The following ACYP2 variants were observed in gnomAD, a reference collection of about 807,000 sequenced individuals.
The protein encoded by ACYP2 is acylphosphatase-2.
Under a neutral mutation model 11.2 loss-of-function variants are expected in ACYP2, and 12 were observed. The observed-to-expected ratio is 1.08, with a 90% confidence interval of 0.69 to 1.74. ACYP2 has a LOEUF of 1.74. Among genes scored for constraint, ACYP2 ranks in the 40% most tolerant of loss-of-function variants. The pLI is 0.00. For missense variants in ACYP2, 134 were observed against 101.9 expected, an observed-to-expected ratio of 1.31 and a Z score of -1.35; for synonymous variants, 43 against 32.2, an observed-to-expected ratio of 1.33 and a Z score of -1.13.
intron 6 of ACYP2, chr2:54,255,188 C>G: frequency 6.2e-7 from 1 of 1,614,182 alleles, no homozygotes; most frequent in South Asian, 1.1e-5. Context: ...GAAAAAGACA[C>G]CACTTGGCCG....
chr2:54,066,705 A>G (rs914583550), intron 4 of ACYP2, among the ~76,000 whole-genome samples: 1 of 152,244 alleles, frequency 6.6e-6, no homozygotes, highest in African/African-American at 2.4e-5. Flanking sequence ...GGACAAAAGC[A>G]TAGGCAAATA....
At chr2:54,222,149 G>T (rs1685824557) in intron 6 of ACYP2, among the ~76,000 whole-genome samples, 1 of 152,178 alleles carries the variant, frequency 6.6e-6, no homozygotes, top group African/African-American at 2.4e-5. Context: ...AAGCCTCACA[G>T]CTAGGAAAGG....
chr2:54,231,503 G>C (rs974563853), intron 6 of ACYP2, among the ~76,000 whole-genome samples: 8 of 152,146 alleles, frequency 5.3e-5, no homozygotes, highest in South Asian at 2.1e-4. Context: ...GAATGAGCAC[G>C]GGCTCAGGTT....
At chr2:54,056,671 A>T (rs753302132) in intron 3 of ACYP2, among the ~76,000 whole-genome samples, 1 of 152,164 alleles carries the variant, frequency 6.6e-6, no homozygotes, top group Non-Finnish European at 1.5e-5. Context: ...TATTTTTCCC[A>T]TGGAAGGGCT....
chr2:54,191,849 C>T (rs552559080), intron 6 of ACYP2, among the ~76,000 whole-genome samples: 8 of 152,020 alleles, frequency 5.3e-5, no homozygotes, highest in African/African-American at 9.7e-5. Context: ...TGTAAGCATA[C>T]GCTTGTTATT....
At chr2:54,256,306 T>C (rs843703) in intron 6 of ACYP2, 323,562 of 737,506 alleles carry the variant, frequency 0.44, 74,568 homozygotes, top group African/African-American at 0.66. Flanking sequence ...CGACACTCAC[T>C]CCTCAGTCTC....
chr2:54,156,264 A>G (rs1254046128), intron 6 of ACYP2, among the ~76,000 whole-genome samples: 1 of 152,144 alleles, frequency 6.6e-6, no homozygotes, highest in Non-Finnish European at 1.5e-5. Flanking sequence ...TGAAATATAT[A>G]TATATTTTAT....
intron 6 of ACYP2, among the ~76,000 whole-genome samples, chr2:54,269,107 G>A (rs55635437): frequency 0.15 from 22,618 of 152,048 alleles, 1,662 homozygotes; most frequent in African/African-American, 0.17. Flanking sequence ...ATTATTAACT[G>A]TTTTGATTTT....
intron 4 of ACYP2, among the ~76,000 whole-genome samples, chr2:54,109,607 A>G (rs1374626916): frequency 6.6e-6 from 1 of 152,222 alleles, no homozygotes; most frequent in Non-Finnish European, 1.5e-5. Flanking sequence ...CTGTATACTG[A>G]AATGGTGAAT....
chr2:54,188,272 A>G (rs1254714497), intron 6 of ACYP2, among the ~76,000 whole-genome samples: 2 of 152,196 alleles, frequency 1.3e-5, no homozygotes, highest in Non-Finnish European at 2.9e-5. Flanking sequence ...CACACTCTTT[A>G]AAACCTTTAA....
At chr2:53,986,629 CTT>C (rs778989738) in intron 2 of ACYP2, among the ~76,000 whole-genome samples, 24 of 136,310 alleles carry the variant, frequency 1.8e-4, no homozygotes, top group South Asian at 2.4e-4. Context: ...CAAACCCGGC[CTT>C]TTTTTTTTTT....
intron 6 of ACYP2, among the ~76,000 whole-genome samples, chr2:54,226,276 T>G (rs1481546399): frequency 6.6e-6 from 1 of 152,136 alleles, no homozygotes; most frequent in Non-Finnish European, 1.5e-5. Context: ...AAAAATGGAC[T>G]CTCCTGGATA....
chr2:54,116,518 T>TG (rs1679803686), intron 4 of ACYP2, among the ~76,000 whole-genome samples: 1 of 148,326 alleles, frequency 6.7e-6, no homozygotes, highest in East Asian at 1.9e-4. Context: ...TTTTTTTTTT[T>TG]GCTCACCCTA....
chr2:54,038,190 T>G (rs966714110), intron 2 of ACYP2, among the ~76,000 whole-genome samples: 6 of 152,196 alleles, frequency 3.9e-5, no homozygotes, highest in African/African-American at 1.4e-4. Flanking sequence ...TTCAAACATT[T>G]GTTCGGTTGT....
At chr2:54,168,830 T>C (rs763422996) in intron 6 of ACYP2, among the ~76,000 whole-genome samples, 16 of 152,192 alleles carry the variant, frequency 1.1e-4, no homozygotes, top group African/African-American at 2.7e-4. Flanking sequence ...GTATTAGAAA[T>C]AGAATTTTAA....
intron 2 of ACYP2, among the ~76,000 whole-genome samples, chr2:53,989,558 G>A (rs531863606): frequency 6.6e-6 from 1 of 151,956 alleles, no homozygotes; most frequent in Non-Finnish European, 1.5e-5. Flanking sequence ...TGCTAGATTC[G>A]GGACATCTCC....
intron 6 of ACYP2, among the ~76,000 whole-genome samples, chr2:54,290,447 C>G (rs771231789): frequency 2.0e-5 from 3 of 151,970 alleles, no homozygotes; most frequent in Non-Finnish European, 2.9e-5. Flanking sequence ...AAATACAGAG[C>G]TTTTTATGTT....
chr2:54,304,751 T>C lies in ACYP2; in HGVS notation c.468T>C (p.Asn156=). The C allele has an allele frequency of 1.9e-6, 3 of 1,612,140 alleles. No homozygotes were observed. Among genetic ancestry groups the C allele is most frequent in the Non-Finnish European group, 2.5e-6 (3 of 1,179,588 alleles). Reference sequence around the variant, plus strand: ...GCATTGACCGCACAAACTTTTCTAATGAAAAAACCATCTCTAAGCTTGAAT... The same window carrying C: ...GCATTGACCGCACAAACTTTTCTAACGAAAAAACCATCTCTAAGCTTGAAT... The change falls in exon 7 of 7, where the codon AAT becomes AAC. Residue 156 remains asparagine, a synonymous_variant. Transcript: ENST00000607452.
chr2:54,060,388 T>A (rs1035542428), intron 4 of ACYP2, among the ~76,000 whole-genome samples: 4 of 152,148 alleles, frequency 2.6e-5, no homozygotes, highest in African/African-American at 9.6e-5. Context: ...TTGTTCTGAT[T>A]ATTCCTTTTT....
Sources: allele counts gnomAD v4.1 joint callset (sites outside exome capture counted in the v4.1 genomes callset), GRCh38; gene constraint gnomAD v4.1.1; transcripts MANE v1.5; gene names NCBI Gene and HGNC (gene_info 2026-07-23, HGNC 2026-07-21).